PTPRM: variants seen among roughly 807,000 people sequenced by gnomAD.
PTPRM encodes protein tyrosine phosphatase receptor type M.
A neutral mutation model predicts 186.7 loss-of-function variants in PTPRM; 47 were observed. The observed-to-expected ratio is 0.25, with a 90% CI of 0.20 to 0.32. The LOEUF (loss-of-function observed/expected upper bound fraction) is 0.32, where lower values mean the gene tolerates loss of function less well. PTPRM is among the 10% of genes least tolerant of loss of function. The pLI is 1.00. For synonymous variants in PTPRM, 668 were observed against 674.9 expected (o/e 0.99, Z 0.16); for missense variants, 1,494 against 1,865.0 (o/e 0.80, Z 3.66).
intron 3 of PTPRM, among the ~76,000 whole-genome samples, chr18:7,890,154 C>T (rs1004565503): frequency 1.3e-4 from 20 of 152,118 alleles, no homozygotes; most frequent in African/African-American, 4.3e-4. Flanking sequence ...TGGCCAACTA[C>T]GAGGAGGAAT....
In PTPRM at chr18:7,958,266, C is replaced by A. The variant is rs74643214; in HGVS notation, c.1132+2852C>A. On this transcript the variant is annotated intron_variant, in intron 7 of 32. Transcript: ENST00000580170. ...TAGGTTGCATCAGGAAAGCAAAATG[C>A]CCATATTGAAGGAGGTGATAGCCTT... Among the ~76,000 whole-genome samples the A allele has an allele frequency of 1.6e-3, 248 of 151,066 alleles. 1 individual carries two copies. Among genetic ancestry groups the A allele is most frequent in the African/African-American group, 5.8e-3 (237 of 41,098 alleles).
intron 13 of PTPRM, among the ~76,000 whole-genome samples, chr18:8,132,818 A>G (rs897801090): frequency 6.6e-6 from 1 of 152,172 alleles, no homozygotes; most frequent in South Asian, 2.1e-4. Context: ...TTTTGCCACT[A>G]GTATTTATTT....
intron 20 of PTPRM, among the ~76,000 whole-genome samples, chr18:8,307,702 G>T (rs1459657950): frequency 6.6e-6 from 1 of 151,900 alleles, no homozygotes; most frequent in Non-Finnish European, 1.5e-5. Context: ...TACTCAAAAG[G>T]CTGAGAGAGG....
chr18:7,674,555 G>A (rs2039292341), intron 1 of PTPRM, among the ~76,000 whole-genome samples: 1 of 152,148 alleles, frequency 6.6e-6, no homozygotes, highest in Admixed American at 6.6e-5. Flanking sequence ...CACCAAAGAG[G>A]TGTTGAACCA....
At chr18:7,740,237 A>G (rs2040860023) in intron 1 of PTPRM, among the ~76,000 whole-genome samples, 1 of 152,122 alleles carries the variant, frequency 6.6e-6, no homozygotes, top group South Asian at 2.1e-4. Context: ...GAATTGTAGT[A>G]GGTTCTATTG....
intron 14 of PTPRM, among the ~76,000 whole-genome samples, chr18:8,182,973 G>A (rs544226503): frequency 9.3e-4 from 142 of 152,114 alleles, no homozygotes; most frequent in African/African-American, 1.2e-3. Context: ...ATTGTTTTTC[G>A]CGCAGTGTGT....
intron 7 of PTPRM, among the ~76,000 whole-genome samples, chr18:7,963,075 A>G (rs1463112742): frequency 6.6e-6 from 1 of 152,292 alleles, no homozygotes; most frequent in Non-Finnish European, 1.5e-5. Flanking sequence ...TTTTCAATAC[A>G]TGAAGCCATT....
intron 19 of PTPRM, among the ~76,000 whole-genome samples, chr18:8,253,837 C>T (rs1168151286): frequency 1.3e-5 from 2 of 152,174 alleles, no homozygotes; most frequent in African/African-American, 4.8e-5. Context: ...AGGAAGAATG[C>T]TTTGCCTTTT....
At chr18:8,330,085 G>A (rs187949758) in intron 22 of PTPRM, among the ~76,000 whole-genome samples, 2 of 152,258 alleles carry the variant, frequency 1.3e-5, no homozygotes, top group Non-Finnish European at 2.9e-5. Flanking sequence ...TTACAGGCAT[G>A]AGGCACTGCA....
chr18:8,074,485 T>C (rs1390773290), intron 8 of PTPRM, among the ~76,000 whole-genome samples: 1 of 152,128 alleles, frequency 6.6e-6, no homozygotes, highest in Non-Finnish European at 1.5e-5. Flanking sequence ...ACTGCCGGAG[T>C]GTTTTCAAAG....
intron 2 of PTPRM, among the ~76,000 whole-genome samples, chr18:7,800,855 T>C (rs191150386): frequency 4.1e-4 from 63 of 152,338 alleles, no homozygotes; most frequent in African/African-American, 1.5e-3. Flanking sequence ...TACTGAATAC[T>C]GTAGGTAATT....
intron 20 of PTPRM, among the ~76,000 whole-genome samples, chr18:8,299,362 G>A (rs2095130809): frequency 6.6e-6 from 1 of 152,138 alleles, no homozygotes; most frequent in African/African-American, 2.4e-5. Context: ...TGAGGCGGGT[G>A]GATTACATGA....
At chr18:8,383,869 C>A (rs573701478) in intron 29 of PTPRM, among the ~76,000 whole-genome samples, 2 of 151,794 alleles carry the variant, frequency 1.3e-5, no homozygotes, top group East Asian at 3.9e-4. Flanking sequence ...AGTTGTATAG[C>A]CATCTTGAGT....
chr18:7,584,798 C>T (rs562098415), intron 1 of PTPRM, among the ~76,000 whole-genome samples: 8 of 152,214 alleles, frequency 5.3e-5, no homozygotes, highest in African/African-American at 1.9e-4. Context: ...AGAATAATAT[C>T]CCCCTGCTGG....
intron 1 of PTPRM, among the ~76,000 whole-genome samples, chr18:7,648,233 G>A (rs1423772437): frequency 6.6e-6 from 1 of 152,106 alleles, no homozygotes; most frequent in African/African-American, 2.4e-5. Context: ...CAACTTAATT[G>A]ATAAATGTGT....
chr18:8,081,260 A>G (rs1223574601), intron 9 of PTPRM, among the ~76,000 whole-genome samples: 1 of 152,208 alleles, frequency 6.6e-6, no homozygotes, highest in Non-Finnish European at 1.5e-5. Context: ...CAAATCAGAA[A>G]TCATCCAATA....
intron 2 of PTPRM, among the ~76,000 whole-genome samples, chr18:7,799,765 G>A (rs1488096749): frequency 6.6e-6 from 1 of 152,026 alleles, no homozygotes; most frequent in African/African-American, 2.4e-5. Context: ...TGTTGAACAT[G>A]TATCTTCCTG....
chr18:8,165,167 CA>C (rs59978316), intron 14 of PTPRM, among the ~76,000 whole-genome samples: 35,258 of 103,128 alleles, frequency 0.34, 5,483 homozygotes, highest in African/African-American at 0.53. Flanking sequence ...GACTCCATCT[CA>C]AAAAAAAAAA....
intron 1 of PTPRM, among the ~76,000 whole-genome samples, chr18:7,683,997 T>C (rs2039538787): frequency 6.6e-6 from 1 of 152,112 alleles, no homozygotes; most frequent in Non-Finnish European, 1.5e-5. Context: ...TTCCTGTGGC[T>C]CCCTCCCTCT....
Sources: allele counts gnomAD v4.1 joint callset (sites outside exome capture counted in the v4.1 genomes callset), GRCh38; gene constraint gnomAD v4.1.1; transcripts MANE v1.5; gene names NCBI Gene and HGNC (gene_info 2026-07-23, HGNC 2026-07-21).